The following XXYLT1 variants were observed in gnomAD, a reference collection of about 807,000 sequenced individuals.
XXYLT1 encodes the protein xyloside xylosyltransferase 1.
In XXYLT1, 20 loss-of-function variants were observed where a neutral mutation model predicts 28.9. The ratio of observed to expected loss-of-function variants is 0.69; its 90% CI spans 0.49 to 1.00. XXYLT1 has a LOEUF of 1.00. Ranked by LOEUF, XXYLT1 falls within the 50% of genes least tolerant of loss-of-function variation. XXYLT1 has a pLI of 0.00. For missense variants in XXYLT1, 542 were observed against 560.1 expected (o/e 0.97, Z 0.33); for synonymous variants, 257 against 253.8 (o/e 1.01, Z -0.12).
chr3:195,071,458 A>G (rs111825724), intron 3 of XXYLT1, among the ~76,000 whole-genome samples: 2 of 152,316 alleles, frequency 1.3e-5, no homozygotes, highest in Non-Finnish European at 2.9e-5. Flanking sequence ...TCAAGGTCTC[A>G]CGTATCACAG....
At chr3:195,221,975 G>A (rs1723845863) in intron 2 of XXYLT1, among the ~76,000 whole-genome samples, 1 of 152,140 alleles carries the variant, frequency 6.6e-6, no homozygotes, top group Non-Finnish European at 1.5e-5. Flanking sequence ...TGTCCCGCCT[G>A]GCAGGACCCC....
intron 2 of XXYLT1, among the ~76,000 whole-genome samples, chr3:195,211,122 G>C (rs2108778804): frequency 6.6e-6 from 1 of 152,354 alleles, no homozygotes; most frequent in Non-Finnish European, 1.5e-5. Context: ...GGCCGGGCAT[G>C]GTAGCTCACG....
At chr3:195,238,988 C>A (rs935297704) in intron 1 of XXYLT1, among the ~76,000 whole-genome samples, 2 of 152,202 alleles carry the variant, frequency 1.3e-5, no homozygotes, top group Admixed American at 1.3e-4. Flanking sequence ...TCCCTACTGG[C>A]CCCATCTCAC....
At chr3:195,130,208 C>A (rs1333068166) in intron 3 of XXYLT1, among the ~76,000 whole-genome samples, 1 of 152,174 alleles carries the variant, frequency 6.6e-6, no homozygotes, top group Admixed American at 6.5e-5. Flanking sequence ...TCTGAGGACC[C>A]TCAGGTACAG....
At chr3:195,232,310 A>C (rs755900098) in intron 1 of XXYLT1, among the ~76,000 whole-genome samples, 16 of 148,516 alleles carry the variant, frequency 1.1e-4, no homozygotes, top group Non-Finnish European at 2.1e-4. Context: ...TGTCAATTTT[A>C]TCTTTTCAAA....
chr3:195,192,188 T>G (rs949788857), intron 2 of XXYLT1, among the ~76,000 whole-genome samples: 1 of 152,160 alleles, frequency 6.6e-6, no homozygotes, highest in Admixed American at 6.5e-5. Context: ...TTTGGGAGGC[T>G]GAGGCAGGTG....
intron 3 of XXYLT1, among the ~76,000 whole-genome samples, chr3:195,128,573 G>A (rs557570950): frequency 6.6e-6 from 1 of 152,240 alleles, no homozygotes; most frequent in Non-Finnish European, 1.5e-5. Flanking sequence ...CGGGCTCCTG[G>A]ACTAAACTCT....
intron 1 of XXYLT1, among the ~76,000 whole-genome samples, chr3:195,242,521 G>C (rs1724822592): frequency 6.6e-6 from 1 of 152,132 alleles, no homozygotes; most frequent in East Asian, 1.9e-4. Flanking sequence ...GGAGCGAAAA[G>C]TTTAATAGGC....
chr3:195,070,918 T>C (rs190861260), intron 3 of XXYLT1, among the ~76,000 whole-genome samples: 1 of 152,282 alleles, frequency 6.6e-6, no homozygotes, highest in Admixed American at 6.5e-5. Flanking sequence ...TAGAAACCAA[T>C]CTAGGTTCAT....
At chr3:195,123,756 C>T (rs1226432290) in intron 3 of XXYLT1, among the ~76,000 whole-genome samples, 1 of 152,178 alleles carries the variant, frequency 6.6e-6, no homozygotes, top group Non-Finnish European at 1.5e-5. Context: ...TCTCCTCAGA[C>T]GCGGGCACGA....
At position 195,077,153 on chromosome 3, in the gene XXYLT1, A is replaced by G. The variant is rs1715168098; in HGVS notation, c.786-7042T>C. Among the ~76,000 whole-genome samples the G allele has an allele frequency of 6.6e-6, 1 of 152,102 alleles. No homozygotes were observed. Among genetic ancestry groups the G allele is most frequent in the Non-Finnish European group, 1.5e-5 (1 of 68,002 alleles). ...TCAGTGGGTGGAGACAGAATGACCC[A>G]CAGTGGGCGGGGCAGCCTCTGTCCA... On this transcript the variant is annotated intron_variant, in intron 3 of 3. Coordinates refer to ENST00000310380, the MANE Select transcript of XXYLT1 (RefSeq NM_152531.5). The surrounding 1 kb of genome is among the most constrained non-coding windows in gnomAD (Gnocchi z 4.8).
At chr3:195,110,052 G>A (rs2108691483) in intron 3 of XXYLT1, among the ~76,000 whole-genome samples, 1 of 61,810 alleles carries the variant, frequency 1.6e-5, no homozygotes, top group Middle Eastern at 0.013. Flanking sequence ...GTGTGCGTGT[G>A]TGTGGTGTGT....
At chr3:195,263,068 T>C (rs1339289975) in intron 1 of XXYLT1, among the ~76,000 whole-genome samples, 3 of 152,194 alleles carry the variant, frequency 2.0e-5, no homozygotes. Context: ...GGGTCACCTG[T>C]TTGTCATTAG....
chr3:195,199,483 C>T (rs192300209), intron 2 of XXYLT1, among the ~76,000 whole-genome samples: 13 of 152,022 alleles, frequency 8.6e-5, no homozygotes, highest in African/African-American at 2.7e-4. Context: ...TGGTGGTGGG[C>T]GCCTGTAGTC....
rs748204066 is a variant in XXYLT1, at chr3:195,257,128, C to T, written c.504+13427G>A. ...TGAGGCCTCTGTAAGCGGCCAAGGA[C>T]GCCATGTCCCGCAAGTCTGAGCAGC... On this transcript the variant is annotated intron_variant, in intron 1 of 3. Transcript: ENST00000310380. The surrounding 1 kb of genome is among the most constrained non-coding windows in gnomAD (Gnocchi z 4.3). 3.9e-5 allele frequency among the ~76,000 whole-genome samples: 6 copies of T among 152,196 alleles called. No individual in the cohort carries two copies. The highest frequency in any genetic ancestry group is 2.1e-4 in the South Asian group (1 of 4,832).
intron 3 of XXYLT1, among the ~76,000 whole-genome samples, chr3:195,089,231 T>C (rs1456500033): frequency 2.6e-5 from 4 of 152,118 alleles, no homozygotes; most frequent in South Asian, 4.1e-4. Flanking sequence ...TTGTCAGATT[T>C]ACCAAAGTTG....
rs1319086930 is a variant in XXYLT1, at chr3:195,090,409, A to G, written c.786-20298T>C. ...CACTCAACTACACGGAAACTGAACAACCTGCTCCTGAATGACTACTGGGTA... is the reference window on the plus strand; with the variant it reads ...CACTCAACTACACGGAAACTGAACAGCCTGCTCCTGAATGACTACTGGGTA... On this transcript the variant is annotated intron_variant, in intron 3 of 3. Transcript: ENST00000310380. Among the ~76,000 whole-genome samples, 1,041 of 150,940 alleles carry G rather than the reference A, an allele frequency of 6.9e-3. 24 individuals are homozygous for G. The highest frequency in any genetic ancestry group is 0.025 in the African/African-American group (1,003 of 40,372).
intron 2 of XXYLT1, among the ~76,000 whole-genome samples, chr3:195,187,359 G>A (rs568630232): frequency 6.6e-6 from 1 of 152,052 alleles, no homozygotes; most frequent in Non-Finnish European, 1.5e-5. Flanking sequence ...CACCATGCCC[G>A]GCCAGCTGAA....
chr3:195,083,437 T>C (rs1715550141), intron 3 of XXYLT1, among the ~76,000 whole-genome samples: 1 of 152,206 alleles, frequency 6.6e-6, no homozygotes, highest in African/African-American at 2.4e-5. Context: ...ACACCCTCCC[T>C]GCTGAGATGA....
Sources: allele counts gnomAD v4.1 joint callset (sites outside exome capture counted in the v4.1 genomes callset), GRCh38; gene constraint gnomAD v4.1.1; non-coding constraint Gnocchi (gnomAD v3.1); transcripts MANE v1.5; gene names NCBI Gene and HGNC (gene_info 2026-07-23, HGNC 2026-07-21).